Variants in SH2D1B observed in about 807,000 individuals in gnomAD.
The protein encoded by SH2D1B is SH2 domain-containing protein 1B.
A neutral mutation model predicts 16.3 loss-of-function variants in SH2D1B; 11 were observed. That is an observed-to-expected ratio of 0.67 (90% CI 0.42 to 1.11). The LOEUF (loss-of-function observed/expected upper bound fraction) is 1.11, where lower values mean the gene tolerates loss of function less well. SH2D1B is among the 50% of genes most tolerant of loss of function. The pLI, the probability that SH2D1B is intolerant of heterozygous loss-of-function variation, is 0.00. For missense variants in SH2D1B, 123 were observed against 153.1 expected (o/e 0.80, Z 1.04); for synonymous variants, 55 against 56.1 (o/e 0.98, Z 0.09).
At chr1:162,410,528 G>A (rs1344288636) in intron 1 of SH2D1B, among the ~76,000 whole-genome samples, 1 of 152,134 alleles carries the variant, frequency 6.6e-6, no homozygotes, top group Non-Finnish European at 1.5e-5. Context: ...ACTTTACAAA[G>A]AGGAACATAC....
intron 2 of SH2D1B, among the ~76,000 whole-genome samples, chr1:162,400,482 T>G (rs1304387056): frequency 7.0e-6 from 1 of 142,268 alleles, no homozygotes; most frequent in Non-Finnish European, 1.6e-5. Context: ...TTTTTTGTAT[T>G]TTTAGTAGAG....
intron 2 of SH2D1B, among the ~76,000 whole-genome samples, 185 bp from the exon 3 acceptor site, chr1:162,399,272 G>A (rs1054668512): frequency 6.6e-6 from 1 of 152,124 alleles, no homozygotes; most frequent in Non-Finnish European, 1.5e-5. Context: ...CCTCTGACTT[G>A]AGCCACTCTG....
In SH2D1B at chr1:162,411,913, G is replaced by T. The variant is rs757971425; in HGVS notation, c.104C>A (p.Ser35Ter). Reference sequence around the variant, plus strand: ...ACAGAGGCACAGGACTCCTGGTATCGACTCGCTGTCTCTTAAAAGAAAGTT... The same window carrying T: ...ACAGAGGCACAGGACTCCTGGTATCTACTCGCTGTCTCTTAAAAGAAAGTT... ...DGNFLLRDSE[S>*]IPGVLCLCVS... is the part of the protein sequence containing the mutation. The change falls in exon 1 of 4, where the codon TCG becomes TAG. Residue 35 changes from serine (S) to a stop codon, truncating the protein, a stop_gained. Coordinates refer to ENST00000367929, the MANE Select transcript of SH2D1B (RefSeq NM_053282.5). LOFTEE classifies it high-confidence loss of function. 6.8e-6 allele frequency: 11 copies of T among 1,614,096 alleles called. No individual in the cohort carries two copies. The highest frequency in any genetic ancestry group is 8.5e-6 in the Non-Finnish European group (10 of 1,180,036).
chr1:162,404,860 C>T (rs1008884324), intron 1 of SH2D1B, among the ~76,000 whole-genome samples: 2 of 152,158 alleles, frequency 1.3e-5, no homozygotes, highest in African/African-American at 4.8e-5. Flanking sequence ...ATAGTGAGAT[C>T]GCATGATCAC....
At chr1:162,410,021 C>T (rs1462496673) in intron 1 of SH2D1B, among the ~76,000 whole-genome samples, 1 of 152,156 alleles carries the variant, frequency 6.6e-6, no homozygotes, top group African/African-American at 2.4e-5. Flanking sequence ...GACTTCTGAG[C>T]CTATTCCAAG....
At chr1:162,398,825 C>T in intron 3 of SH2D1B, 98 bp downstream of exon 3, 2 of 1,356,360 alleles carry the variant, frequency 1.5e-6, no homozygotes, top group East Asian at 4.7e-5. Context: ...GAGATAATGT[C>T]ACAGAAAAGA....
rs1648374752 is a variant in SH2D1B at position 162,396,285 on chromosome 1, T to C, written c.*995A>G. The C allele has an allele frequency of 6.6e-6, 1 of 152,246 alleles. No homozygotes were observed. Among genetic ancestry groups the C allele is most frequent in the Non-Finnish European group, 1.5e-5 (1 of 68,044 alleles). The allele number at this position is 152,246 out of a possible 1,614,324, so 9.4% of individuals were successfully genotyped here. A position where few individuals can be genotyped will look rare whatever the true frequency, so the allele number is the denominator to read the frequency against. On this transcript the variant is annotated 3_prime_UTR_variant, in exon 4 of 4. Coordinates refer to ENST00000367929, the MANE Select transcript of SH2D1B (RefSeq NM_053282.5). ...GGTATATTTCAAACTGACCAGGTCC[T>C]AATTCACATTTTGAACTAGCAGAAA...
intron 1 of SH2D1B, 111 bp from the exon 2 acceptor site, chr1:162,402,913 CTTT>C: frequency 3.0e-6 from 2 of 674,934 alleles, no homozygotes; most frequent in Non-Finnish European, 4.7e-6. Context: ...TAAAAAAACT[CTTT>C]TTTTTTTTCT....
At chr1:162,408,756 T>C (rs1399256520) in intron 1 of SH2D1B, among the ~76,000 whole-genome samples, 1 of 152,024 alleles carries the variant, frequency 6.6e-6, no homozygotes, top group Admixed American at 6.5e-5. Flanking sequence ...TAGATGAATA[T>C]GCAAGATGGG....
At chr1:162,410,395 G>T (rs1046899097) in intron 1 of SH2D1B, among the ~76,000 whole-genome samples, 12 of 152,158 alleles carry the variant, frequency 7.9e-5, no homozygotes, top group African/African-American at 2.9e-4. Flanking sequence ...CCTTTGTGAT[G>T]ATCCTGAATA....
In SH2D1B at chr1:162,397,174, A is replaced by C. The variant is rs1648397989; in HGVS notation, c.*106T>G. On this transcript the variant is annotated 3_prime_UTR_variant, in exon 4 of 4. Coordinates refer to ENST00000367929, the MANE Select transcript of SH2D1B (RefSeq NM_053282.5). ...TCAGTTACACAACCAGGAGAGTCTGAATTGTCCACTAGAGTTTGGTGCTCT... is the reference window on the plus strand; with the variant it reads ...TCAGTTACACAACCAGGAGAGTCTGCATTGTCCACTAGAGTTTGGTGCTCT... 8.1e-7 allele frequency: 1 copy of C among 1,236,952 alleles called. No homozygotes were observed. Among genetic ancestry groups the C allele is most frequent in the African/African-American group, 1.5e-5 (1 of 67,412 alleles). 76.6% of individuals were successfully genotyped at this position (1,236,952 alleles called of 1,614,324 possible). A position where few individuals can be genotyped will look rare whatever the true frequency, so the allele number is the denominator to read the frequency against.
intron 1 of SH2D1B, among the ~76,000 whole-genome samples, chr1:162,405,470 T>C (rs1648632731): frequency 6.6e-6 from 1 of 152,270 alleles, no homozygotes. Flanking sequence ...AAAAGGTAGA[T>C]GAATATAATT....
rs1648448108 is a variant in SH2D1B at position 162,399,086 on chromosome 1, G to A, written c.200C>T (p.Thr67Ile). Reference protein sequence around the residue: ...REKHGYYRIQTAEGSPKQVFP... With the variant: ...REKHGYYRIQIAEGSPKQVFP... The stretch of plus-strand genomic sequence containing the variant: ...GACCTGTTTTGGAGAACCTTCTGCA[G>A]TCTGCAAAAATACAAGAAAGGAAAT... Residue 67 changes from threonine (T) to isoleucine (I), a missense_variant and splice_region_variant, in exon 3 of 4, where the codon ACT (threonine) becomes ATT (isoleucine). By Grantham distance (89) the Thr-to-Ile change is moderately conservative. Transcript: ENST00000367929. 1.9e-6 allele frequency: 3 copies of A among 1,602,834 alleles called. No homozygotes were observed. The highest frequency in any genetic ancestry group is 2.6e-6 in the Non-Finnish European group (3 of 1,174,238).
At chr1:162,407,316 A>G (rs1648675356) in intron 1 of SH2D1B, among the ~76,000 whole-genome samples, 1 of 152,220 alleles carries the variant, frequency 6.6e-6, no homozygotes, top group Admixed American at 6.5e-5. Context: ...GGGACACTGC[A>G]TATCAGAGTC....
chr1:162,395,412 C>A lies in SH2D1B; in HGVS notation c.*1868G>T, dbSNP rs942443067. 1.9e-4 allele frequency: 29 copies of A among 152,040 alleles called. No homozygotes were observed. The highest frequency in any genetic ancestry group is 6.8e-4 in the African/African-American group (28 of 41,406). 9.4% of individuals were successfully genotyped at this position (152,040 alleles called of 1,614,324 possible). On this transcript the variant is annotated 3_prime_UTR_variant, in exon 4 of 4. Transcript: ENST00000367929. ...TTTCTAGTAAAAATTATAAAATAGCCTTTAACAAGGCTACAACAAACATAA... is the reference window on the plus strand; with the variant it reads ...TTTCTAGTAAAAATTATAAAATAGCATTTAACAAGGCTACAACAAACATAA...
chr1:162,398,840 T>A, intron 3 of SH2D1B, 83 bp downstream of exon 3: 1 of 1,419,588 alleles, frequency 7.0e-7, no homozygotes, highest in Non-Finnish European at 9.6e-7. Context: ...AAAAGAGCAT[T>A]TGTCTGTATT....
Position 162,399,636 on chromosome 1 carries a change from T to G in SH2D1B, c.199-549A>C, listed in dbSNP as rs56702700. On this transcript the variant is annotated intron_variant, in intron 2 of 3. Transcript: ENST00000367929. ...CAAGCCCAGCATTCACTAGCTATTC[T>G]TCCTGATCCTCTCCCTCCTCCCACC... 8.7e-3 allele frequency among the ~76,000 whole-genome samples: 1,324 copies of G among 152,308 alleles called. 20 individuals carry two copies. Among genetic ancestry groups the G allele is most frequent in the African/African-American group, 0.03 (1,246 of 41,562 alleles).
At chr1:162,398,014 G>A (rs953833432) in intron 3 of SH2D1B, among the ~76,000 whole-genome samples, 1 of 152,160 alleles carries the variant, frequency 6.6e-6, no homozygotes, top group East Asian at 1.9e-4. Flanking sequence ...GGGGATGGGG[G>A]GACAGGGACA....
chr1:162,402,275 G>A (rs537893507), intron 2 of SH2D1B, among the ~76,000 whole-genome samples: 1 of 152,340 alleles, frequency 6.6e-6, no homozygotes, highest in Non-Finnish European at 1.5e-5. Flanking sequence ...CAGTCTGGGA[G>A]GCTGAGGCCG....
Sources: gnomAD v4.1 joint callset for allele counts (sites outside exome capture counted in the v4.1 genomes callset) on GRCh38, gnomAD v4.1.1 for gene constraint, MANE v1.5 for transcripts, NCBI Gene and HGNC (gene_info 2026-07-23, HGNC 2026-07-21) for gene names.